NDST3: variants seen among roughly 807,000 people sequenced by gnomAD.
The protein encoded by NDST3 is N-deacetylase and N-sulfotransferase 3, also known as bifunctional heparan sulfate N-deacetylase/N-sulfotransferase 3.
A neutral mutation model predicts 96.1 loss-of-function variants in NDST3; 58 were observed. The ratio of observed to expected loss-of-function variants is 0.60; its 90% CI spans 0.49 to 0.75. The LOEUF is 0.75. Among genes scored for constraint, NDST3 ranks in the 30% least tolerant of loss-of-function variants. The probability of loss-of-function intolerance (pLI) is 0.00; values close to 1 mark genes in which losing one functional copy is unlikely to be tolerated. For synonymous variants in NDST3, 333 were observed against 359.7 expected (o/e 0.93, Z 0.84); for missense variants, 788 against 1,034.2 (o/e 0.76, Z 3.27).
chr4:118,188,253 A>G (rs984327096), intron 6 of NDST3, among the ~76,000 whole-genome samples: 5 of 149,736 alleles, frequency 3.3e-5, no homozygotes, highest in African/African-American at 1.2e-4. Context: ...AATTTAGGAC[A>G]GTTACACCAC....
At chr4:118,111,615 C>T (rs1295878483) in intron 3 of NDST3, among the ~76,000 whole-genome samples, 3 of 151,326 alleles carry the variant, frequency 2.0e-5, no homozygotes, top group Non-Finnish European at 4.4e-5. Flanking sequence ...TAGCTCACTG[C>T]AAGCTCTGCC....
Position 118,054,015 on chromosome 4 carries a change from T to C in NDST3, c.105T>C (p.Ser35=). 6.2e-7 allele frequency: 1 copy of C among 1,612,874 alleles called. No homozygotes were observed. Among genetic ancestry groups the C allele is most frequent in the Non-Finnish European group, 8.5e-7 (1 of 1,179,184 alleles). Residue 35 remains serine (S), a synonymous_variant, in exon 2 of 14, where the codon AGT becomes AGC. Transcript: ENST00000296499. ...SIIISAYYLY[S]GYKQENELSE... ...TCATTTCTGCTTACTACCTGTACAG[T>C]GGCTACAAACAGGAAAATGAACTCT...
chr4:118,090,257 G>C (rs1172337498), intron 2 of NDST3, among the ~76,000 whole-genome samples: 1 of 151,964 alleles, frequency 6.6e-6, no homozygotes, highest in Non-Finnish European at 1.5e-5. Flanking sequence ...TTTTCACAAA[G>C]AGGTGAATAT....
chr4:118,159,269 C>A (rs1189202425), intron 6 of NDST3, among the ~76,000 whole-genome samples: 2 of 152,142 alleles, frequency 1.3e-5, no homozygotes, highest in Admixed American at 6.5e-5. Context: ...GACAGCTTGG[C>A]AGCTTATAGC....
intron 4 of NDST3, among the ~76,000 whole-genome samples, chr4:118,126,785 G>C (rs1016979777): frequency 5.1e-4 from 78 of 151,992 alleles, no homozygotes; most frequent in African/African-American, 1.9e-3. Context: ...CTCCATAGTG[G>C]TTGTACTAAT....
At chr4:118,190,672 G>A (rs1309372089) in intron 6 of NDST3, among the ~76,000 whole-genome samples, 3 of 152,254 alleles carry the variant, frequency 2.0e-5, no homozygotes, top group South Asian at 4.1e-4. Flanking sequence ...GTAACCAGGA[G>A]GCAAAGCTGG....
At chr4:118,152,472 G>A (rs1429769212) in intron 6 of NDST3, among the ~76,000 whole-genome samples, 5 of 152,128 alleles carry the variant, frequency 3.3e-5, no homozygotes, top group Non-Finnish European at 7.4e-5. Context: ...CTTATGAATT[G>A]TTTATTATTG....
At chr4:118,138,708 A>G (rs1444657562) in intron 5 of NDST3, among the ~76,000 whole-genome samples, 1 of 152,204 alleles carries the variant, frequency 6.6e-6, no homozygotes, top group Non-Finnish European at 1.5e-5. Context: ...ATAATCATTA[A>G]CATATAATAA....
Position 118,054,630 on chromosome 4 carries a change from C to T in NDST3, c.720C>T (p.Thr240=). 1 of 1,613,166 alleles carries T rather than the reference C, an allele frequency of 6.2e-7. No homozygotes were observed. The highest frequency in any genetic ancestry group is 1.7e-4 in the Middle Eastern group (1 of 6,058). Residue 240 remains threonine (T), a synonymous_variant, in exon 2 of 14, where the codon ACC becomes ACT. Coordinates refer to ENST00000296499, the MANE Select transcript of NDST3 (RefSeq NM_004784.3). ...YQPVIFAKVK[T]PENLSPSISK... ...CAGTAATATTTGCCAAAGTAAAGAC[C>T]CCAGAAAACCTTTCTCCTTCCATCT...
At chr4:118,033,420 C>T (rs912118594), upstream of NDST3, among the ~76,000 whole-genome samples, 1 of 152,096 alleles carries the variant, frequency 6.6e-6, no homozygotes, top group Non-Finnish European at 1.5e-5. Context: ...GAGGGGCGGT[C>T]GGAACTGGCA....
chr4:118,033,382 T>A (rs1449415751), upstream of NDST3, among the ~76,000 whole-genome samples: 16 of 152,070 alleles, frequency 1.1e-4, no homozygotes, highest in Middle Eastern at 3.4e-3. Flanking sequence ...AGACGTTTCA[T>A]CCTTGGCGGC....
intron 3 of NDST3, among the ~76,000 whole-genome samples, chr4:118,110,606 A>C (rs1213916471): frequency 6.6e-6 from 1 of 152,218 alleles, no homozygotes; most frequent in Non-Finnish European, 1.5e-5. Context: ...AGAATAGCAA[A>C]TACTACAGAT....
chr4:118,069,643 T>C (rs977770522), intron 2 of NDST3, among the ~76,000 whole-genome samples: 2 of 152,108 alleles, frequency 1.3e-5, no homozygotes, highest in African/African-American at 4.8e-5. Context: ...AGTCAATCTT[T>C]AATGTTTGCA....
chr4:118,183,817 G>A (rs1736755722), intron 6 of NDST3, among the ~76,000 whole-genome samples: 1 of 152,202 alleles, frequency 6.6e-6, no homozygotes, highest in African/African-American at 2.4e-5. Context: ...TCGTAAATTG[G>A]CTAAGCCTGC....
chr4:118,085,882 G>A (rs1429854672), intron 2 of NDST3, among the ~76,000 whole-genome samples: 1 of 152,126 alleles, frequency 6.6e-6, no homozygotes, highest in African/African-American at 2.4e-5. Context: ...GGGCTTTTAT[G>A]TGTTCCGCTG....
intron 2 of NDST3, among the ~76,000 whole-genome samples, chr4:118,096,055 A>T (rs1212963890): frequency 6.6e-6 from 1 of 151,954 alleles, no homozygotes; most frequent in African/African-American, 2.4e-5. Context: ...TATTTGTCTG[A>T]ACACTGTGTT....
chr4:118,075,345 G>T (rs1727435445), intron 2 of NDST3, among the ~76,000 whole-genome samples: 1 of 152,166 alleles, frequency 6.6e-6, no homozygotes, highest in Non-Finnish European at 1.5e-5. Flanking sequence ...TGTGAATAGT[G>T]CCACAGTAAA....
At chr4:118,208,517 G>A (rs1371031216) in intron 6 of NDST3, among the ~76,000 whole-genome samples, 1 of 144,138 alleles carries the variant, frequency 6.9e-6, no homozygotes, top group Non-Finnish European at 1.5e-5. Flanking sequence ...CTTCACTGAG[G>A]TTATCTTTGT....
intron 6 of NDST3, among the ~76,000 whole-genome samples, chr4:118,153,700 T>C (rs1734552491): frequency 6.6e-6 from 1 of 152,088 alleles, no homozygotes; most frequent in South Asian, 2.1e-4. Flanking sequence ...GGTGCATGCC[T>C]GTAATCCCAG....
Sources: gnomAD v4.1 joint callset for allele counts (sites outside exome capture counted in the v4.1 genomes callset) on GRCh38, gnomAD v4.1.1 for gene constraint, MANE v1.5 for transcripts, NCBI Gene and HGNC (gene_info 2026-07-23, HGNC 2026-07-21) for gene names.